The following DPYD variants were observed in gnomAD, a reference collection of about 807,000 sequenced individuals.
The protein encoded by DPYD is dihydropyrimidine dehydrogenase [NADP(+)].
Under a neutral mutation model 116.2 loss-of-function variants are expected in DPYD, and 109 were observed. That is an observed-to-expected ratio of 0.94 (90% CI 0.80 to 1.10). The LOEUF (loss-of-function observed/expected upper bound fraction) is 1.10, where lower values mean the gene tolerates loss of function less well. Among genes scored for constraint, DPYD ranks in the 50% least tolerant of loss-of-function variants. The pLI is 0.00. For synonymous variants in DPYD, 440 were observed against 432.0 expected, an observed-to-expected ratio of 1.02 and a Z score of -0.23; for missense variants, 1,302 against 1,254.5, an observed-to-expected ratio of 1.04 and a Z score of -0.57.
intron 14 of DPYD, among the ~76,000 whole-genome samples, chr1:97,444,289 G>T (rs559028238): frequency 1.3e-5 from 2 of 152,178 alleles, no homozygotes; most frequent in East Asian, 3.9e-4. Flanking sequence ...TTTCTTCAAG[G>T]TGTAATGGAA....
At chr1:97,495,621 C>T (rs372168525) in intron 13 of DPYD, among the ~76,000 whole-genome samples, 2 of 151,962 alleles carry the variant, frequency 1.3e-5, no homozygotes, top group African/African-American at 2.4e-5. Context: ...CATGACACCT[C>T]TGCTGGGTGG....
rs139821377 is a variant in DPYD at position 97,213,076 on chromosome 1, TA to T, written c.2443-19829del. 9.1e-3 allele frequency among the ~76,000 whole-genome samples: 1,380 copies of T among 152,144 alleles called. 14 individuals carry two copies. The highest frequency in any genetic ancestry group is 0.037 in the Middle Eastern group (11 of 294). ...TGCTGTTTTCAAGTGGCAGAAAGAA[TA>T]GGGGCTCTCTGGAGTCTCTTGAATA... On this transcript the variant is annotated intron_variant, in intron 19 of 22. Transcript: ENST00000370192.
chr1:97,851,297 C>T (rs1460564903), intron 2 of DPYD, among the ~76,000 whole-genome samples: 2 of 149,740 alleles, frequency 1.3e-5, no homozygotes, highest in Non-Finnish European at 3.0e-5. Context: ...ATTTAATACT[C>T]TTATTCAAAT....
At chr1:97,736,848 A>ATT (rs1553230665) in intron 4 of DPYD, among the ~76,000 whole-genome samples, 1 of 93,418 alleles carries the variant, frequency 1.1e-5, no homozygotes, top group Non-Finnish European at 2.1e-5. Context: ...GTGTGTGTGC[A>ATT]TTTGTGTGTG....
Position 97,193,233 on chromosome 1 carries a change from G to C in DPYD, c.2458C>G (p.Gln820Glu). ...ASVLQVCSAI[Q>E]NQDFTVIEDY... ...TCGATCACAGTGAAATCCTGATTCT[G>C]AATGGCACTGCATACCTAGAAAAGA... The change falls in exon 20 of 23, where the codon CAG (glutamine) becomes GAG (glutamate). Residue 820 changes from glutamine (Q) to glutamate (E), a missense_variant. Physicochemically the swap from Gln to Glu is conservative, Grantham distance 29. Transcript: ENST00000370192. 7 of 1,613,552 alleles carry C rather than the reference G, an allele frequency of 4.3e-6. No individual in the cohort carries two copies. The highest frequency in any genetic ancestry group is 5.9e-6 in the Non-Finnish European group (7 of 1,179,782).
chr1:97,443,903 T>C (rs1675937853), intron 14 of DPYD, among the ~76,000 whole-genome samples: 1 of 152,200 alleles, frequency 6.6e-6, no homozygotes. Flanking sequence ...TGGACTAACG[T>C]ACGCCCATCA....
intron 19 of DPYD, among the ~76,000 whole-genome samples, chr1:97,205,418 T>C (rs1027572045): frequency 5.3e-5 from 8 of 152,008 alleles, no homozygotes; most frequent in African/African-American, 1.9e-4. Context: ...ATCACATATA[T>C]GTAGCTTTTT....
intron 8 of DPYD, among the ~76,000 whole-genome samples, chr1:97,609,824 GA>G (rs1343088391): frequency 6.6e-6 from 1 of 151,822 alleles, no homozygotes; most frequent in South Asian, 2.1e-4. Flanking sequence ...TCATAAGAAA[GA>G]AAAAAATATG....
intron 3 of DPYD, among the ~76,000 whole-genome samples, chr1:97,814,961 A>T (rs1339988374): frequency 1.0e-4 from 15 of 150,106 alleles, no homozygotes; most frequent in African/African-American, 3.4e-4. Flanking sequence ...AAGAAAGGAG[A>T]GAAAGAAAGA....
At position 97,539,029 on chromosome 1, in the gene DPYD, T is replaced by C. The variant is rs376081290; in HGVS notation, c.1524+10531A>G. 3.3e-5 allele frequency among the ~76,000 whole-genome samples: 5 copies of C among 152,294 alleles called. No individual in the cohort carries two copies. The East Asian group carries it at 7.7e-4, about 23-fold the overall frequency. ...TGCTGAAGAAAACAGAAGAATAGTA[T>C]TTAGGAACATATATTTAGGCAAACA... On this transcript the variant is annotated intron_variant, in intron 12 of 22. Transcript: ENST00000370192.
At chr1:97,722,979 TAAAAGACTTTTAAA>T (rs1418520395) in intron 4 of DPYD, among the ~76,000 whole-genome samples, 1 of 151,342 alleles carries the variant, frequency 6.6e-6, no homozygotes, top group East Asian at 1.9e-4. Flanking sequence ...TAAGTCAGAA[TAAAAGACTTTTAAA>T]AATAACCTTG....
intron 8 of DPYD, among the ~76,000 whole-genome samples, chr1:97,618,676 T>C (rs1361888700): frequency 3.3e-5 from 5 of 152,206 alleles, no homozygotes; most frequent in African/African-American, 1.2e-4. Context: ...AGCATTGCTA[T>C]AGATGACACA....
intron 16 of DPYD, chr1:97,322,960 C>T (rs1190776956): frequency 6.6e-6 from 1 of 151,804 alleles, no homozygotes; most frequent in Non-Finnish European, 1.5e-5. Flanking sequence ...AATACATCTG[C>T]TCTTATTTCT....
At chr1:97,116,545 AC>A (rs1368665427) in intron 20 of DPYD, among the ~76,000 whole-genome samples, 1 of 151,932 alleles carries the variant, frequency 6.6e-6, no homozygotes, top group African/African-American at 2.4e-5. Flanking sequence ...GGTGGCATGC[AC>A]CTGTAGTTCC....
At chr1:97,483,299 G>A (rs903834971) in intron 13 of DPYD, among the ~76,000 whole-genome samples, 2 of 152,060 alleles carry the variant, frequency 1.3e-5, no homozygotes, top group Non-Finnish European at 2.9e-5. Context: ...TTATTTACTC[G>A]TTTCAGATGA....
intron 14 of DPYD, among the ~76,000 whole-genome samples, chr1:97,395,638 G>T (rs901389826): frequency 1.4e-4 from 21 of 151,906 alleles, no homozygotes; most frequent in African/African-American, 3.6e-4. Flanking sequence ...GTTCCCTCCT[G>T]GTTTCCATGC....
At chr1:97,619,175 T>C (rs1656483415) in intron 8 of DPYD, among the ~76,000 whole-genome samples, 2 of 152,220 alleles carry the variant, frequency 1.3e-5, no homozygotes, top group South Asian at 4.1e-4. Context: ...TAGAAAAGTG[T>C]AGTCAATTGT....
chr1:97,813,808 T>C (rs186841850), intron 3 of DPYD, among the ~76,000 whole-genome samples: 2 of 152,186 alleles, frequency 1.3e-5, no homozygotes, highest in Admixed American at 1.3e-4. Flanking sequence ...AATTTCATGA[T>C]ATCTATTATT....
At chr1:97,766,838 A>G (rs1201933651) in intron 3 of DPYD, among the ~76,000 whole-genome samples, 2 of 152,222 alleles carry the variant, frequency 1.3e-5, no homozygotes, top group Non-Finnish European at 2.9e-5. Context: ...ATTGTCTGCA[A>G]CTTTCTATAG....
Sources: allele counts gnomAD v4.1 joint callset (sites outside exome capture counted in the v4.1 genomes callset), GRCh38; gene constraint gnomAD v4.1.1; transcripts MANE v1.5; gene names NCBI Gene and HGNC (gene_info 2026-07-23, HGNC 2026-07-21).